Variants in NALF1 observed in about 807,000 individuals in gnomAD.
The protein encoded by NALF1 is NALCN channel auxiliary factor 1.
A neutral mutation model predicts 48.4 loss-of-function variants in NALF1; 3 were observed. That is an observed-to-expected ratio of 0.06 (90% CI 0.03 to 0.16). The LOEUF (loss-of-function observed/expected upper bound fraction) is 0.16. NALF1 is among the 10% of genes least tolerant of loss of function. NALF1 has a pLI of 1.00. For synonymous variants in NALF1, 262 were observed against 245.7 expected (o/e 1.07, Z -0.62); for missense variants, 526 against 571.5 (o/e 0.92, Z 0.81).
intron 1 of NALF1, among the ~76,000 whole-genome samples, chr13:107,508,881 G>A (rs115906521): frequency 0.021 from 3,158 of 151,852 alleles, 108 homozygotes; most frequent in African/African-American, 0.072. Flanking sequence ...AAAATACTAC[G>A]CTTTCCCTGC....
chr13:107,246,567 C>T (rs1880590045), intron 1 of NALF1, among the ~76,000 whole-genome samples: 2 of 152,156 alleles, frequency 1.3e-5, no homozygotes, highest in Non-Finnish European at 2.9e-5. Context: ...CCTGATATAT[C>T]CTCAAAGATG....
chr13:107,651,681 C>T (rs1306692221), intron 1 of NALF1, among the ~76,000 whole-genome samples: 2 of 152,192 alleles, frequency 1.3e-5, no homozygotes, highest in African/African-American at 4.8e-5. Context: ...CCCACCCACA[C>T]CTTCACCTTC....
intron 1 of NALF1, among the ~76,000 whole-genome samples, chr13:107,430,715 T>C (rs1884365398): frequency 6.6e-6 from 1 of 152,194 alleles, no homozygotes; most frequent in South Asian, 2.1e-4. Context: ...GACATTTGGG[T>C]TGGTTCCAAG....
intron 1 of NALF1, among the ~76,000 whole-genome samples, chr13:107,357,513 G>C (rs1440487550): frequency 1.3e-5 from 2 of 152,138 alleles, no homozygotes; most frequent in Non-Finnish European, 2.9e-5. Context: ...GATACGTTGT[G>C]TTAAAAACAA....
chr13:107,444,083 T>C (rs1426392868), intron 1 of NALF1, among the ~76,000 whole-genome samples: 1 of 152,154 alleles, frequency 6.6e-6, no homozygotes, highest in Non-Finnish European at 1.5e-5. Context: ...ATTAGGATTA[T>C]TTTACTGACA....
chr13:107,182,044 T>C (rs1183180983), intron 2 of NALF1, among the ~76,000 whole-genome samples: 5 of 152,146 alleles, frequency 3.3e-5, no homozygotes, highest in Non-Finnish European at 7.3e-5. Flanking sequence ...ATTCTTTATC[T>C]AAGAGTTTCA....
intron 1 of NALF1, among the ~76,000 whole-genome samples, chr13:107,364,255 T>C (rs1348490158): frequency 6.6e-6 from 1 of 152,206 alleles, no homozygotes; most frequent in Non-Finnish European, 1.5e-5. Context: ...CTAATCATCT[T>C]ATATATGAGC....
At chr13:107,822,271 C>A (rs866056451) in intron 1 of NALF1, among the ~76,000 whole-genome samples, 2 of 151,918 alleles carry the variant, frequency 1.3e-5, no homozygotes, top group African/African-American at 4.8e-5. Flanking sequence ...TGGAGCTACA[C>A]CATCCCTCCA....
chr13:107,758,363 T>C (rs917662351), intron 1 of NALF1, among the ~76,000 whole-genome samples: 1 of 152,248 alleles, frequency 6.6e-6, no homozygotes, highest in Non-Finnish European at 1.5e-5. Context: ...AATTCATTTT[T>C]AATTTTCATA....
At chr13:107,211,353 G>A (rs371683494) in intron 1 of NALF1, among the ~76,000 whole-genome samples, 15 of 152,304 alleles carry the variant, frequency 9.8e-5, no homozygotes, top group East Asian at 9.6e-4. Flanking sequence ...AGAAACACCC[G>A]ACATAGAGCA....
intron 1 of NALF1, among the ~76,000 whole-genome samples, chr13:107,661,548 C>T (rs915914401): frequency 2.6e-5 from 4 of 151,722 alleles, no homozygotes; most frequent in African/African-American, 9.8e-5. Context: ...AAAGGCCTAA[C>T]AGAGAAGCTT....
At chr13:107,472,703 G>A (rs948882807) in intron 1 of NALF1, among the ~76,000 whole-genome samples, 1 of 152,110 alleles carries the variant, frequency 6.6e-6, no homozygotes, top group Non-Finnish European at 1.5e-5. Flanking sequence ...CCAGTGGCTT[G>A]CCAGGGGCTC....
intron 1 of NALF1, among the ~76,000 whole-genome samples, chr13:107,766,050 T>C (rs1246295291): frequency 2.0e-5 from 3 of 152,248 alleles, no homozygotes; most frequent in African/African-American, 7.2e-5. Context: ...CAGAAAATCA[T>C]CTATAATAGG....
chr13:107,223,393 G>A (rs1302291165), intron 1 of NALF1, among the ~76,000 whole-genome samples: 9 of 151,906 alleles, frequency 5.9e-5, no homozygotes, highest in Non-Finnish European at 1.3e-4. Context: ...AGCAGAAAAA[G>A]GAAACATTTT....
intron 1 of NALF1, among the ~76,000 whole-genome samples, chr13:107,758,090 C>T (rs1056086632): frequency 5.9e-5 from 9 of 152,108 alleles, no homozygotes; most frequent in African/African-American, 2.2e-4. Context: ...AGAAAAGTAA[C>T]ATCAAAATAT....
rs1880546695 is a variant in NALF1, at chr13:107,244,793, G to C, written c.916-34038C>G. On this transcript the variant is annotated intron_variant, in intron 1 of 2. Coordinates refer to ENST00000375915, the MANE Select transcript of NALF1 (RefSeq NM_001080396.3). ...ATTGTAAAACTATTTCCAAGGGTAA[G>C]TTGTTGTTATAAAGTTCAAAGAAAG... Among the ~76,000 whole-genome samples the C allele has an allele frequency of 2.0e-5, 3 of 152,172 alleles. No individual in the cohort carries two copies. In the South Asian group the frequency reaches 6.2e-4, roughly 32 times the overall value.
intron 1 of NALF1, among the ~76,000 whole-genome samples, chr13:107,562,782 T>G (rs1021104439): frequency 6.6e-6 from 1 of 152,216 alleles, no homozygotes; most frequent in African/African-American, 2.4e-5. Flanking sequence ...GTTCTTAACA[T>G]GAAGGAGTAC....
chr13:107,633,426 G>A (rs1328362809), intron 1 of NALF1, among the ~76,000 whole-genome samples: 1 of 151,820 alleles, frequency 6.6e-6, no homozygotes, highest in Non-Finnish European at 1.5e-5. Context: ...GTCATTTCAA[G>A]CTCAGTTTTT....
intron 1 of NALF1, among the ~76,000 whole-genome samples, chr13:107,561,875 G>A (rs4142462): frequency 0.34 from 52,219 of 152,000 alleles, 10,133 homozygotes; most frequent in Non-Finnish European, 0.45. Context: ...AGCCGTTAAC[G>A]TGCTCAATGT....
Sources: allele counts gnomAD v4.1 joint callset (sites outside exome capture counted in the v4.1 genomes callset), GRCh38; gene constraint gnomAD v4.1.1; transcripts MANE v1.5; gene names NCBI Gene and HGNC (gene_info 2026-07-23, HGNC 2026-07-21).